Variants in TPRG1 observed in about 807,000 individuals in gnomAD.
TPRG1 encodes tumor protein p63-regulated gene 1 protein.
In TPRG1, 29 loss-of-function variants were observed where a neutral mutation model predicts 29.3. That is an observed-to-expected ratio of 0.99 (90% CI 0.74 to 1.35). The LOEUF (loss-of-function observed/expected upper bound fraction) is 1.35, where lower values mean the gene tolerates loss of function less well. TPRG1 is among the 40% of genes most tolerant of loss of function. The probability of loss-of-function intolerance (pLI) is 0.00; values close to 1 mark genes in which losing one functional copy is unlikely to be tolerated. For missense variants in TPRG1, 327 were observed against 335.0 expected, an observed-to-expected ratio of 0.98 and a Z score of 0.19; for synonymous variants, 130 against 116.8, an observed-to-expected ratio of 1.11 and a Z score of -0.73.
At chr3:189,277,961 C>G (rs1399576011) in intron 4 of TPRG1, among the ~76,000 whole-genome samples, 1 of 152,184 alleles carries the variant, frequency 6.6e-6, no homozygotes, top group Non-Finnish European at 1.5e-5. Flanking sequence ...TCTTTTGCCT[C>G]TGAAGCCACG....
intron 4 of TPRG1, among the ~76,000 whole-genome samples, chr3:189,287,690 C>T (rs1466076364): frequency 1.3e-5 from 2 of 152,196 alleles, no homozygotes; most frequent in Admixed American, 1.3e-4. Flanking sequence ...AGCCACCATG[C>T]CCAGCCTACT....
chr3:189,166,356 A>G (rs775919709), intron 5 of TPRG1, among the ~76,000 whole-genome samples: 10 of 152,226 alleles, frequency 6.6e-5, no homozygotes, highest in Non-Finnish European at 1.2e-4. Context: ...TTAAAAATCA[A>G]TCCTTAAGTG....
At chr3:189,299,810 A>G (rs1309348054) in intron 4 of TPRG1, among the ~76,000 whole-genome samples, 2 of 152,208 alleles carry the variant, frequency 1.3e-5, no homozygotes, top group African/African-American at 4.8e-5. Context: ...CATATTGATG[A>G]AGTTATCACA....
At chr3:189,046,066 G>C (rs1714957307) in intron 4 of TPRG1, among the ~76,000 whole-genome samples, 1 of 152,218 alleles carries the variant, frequency 6.6e-6, no homozygotes, top group East Asian at 1.9e-4. Context: ...TCCTGGAAAT[G>C]AGTCTGCAAA....
chr3:189,185,367 G>A (rs1012351013), intron 1 of TPRG1, among the ~76,000 whole-genome samples: 8 of 151,904 alleles, frequency 5.3e-5, no homozygotes, highest in African/African-American at 7.3e-5. Flanking sequence ...GGGACCATGG[G>A]AATATGCCAC....
At chr3:189,170,434 C>G (rs552278446), upstream of TPRG1, among the ~76,000 whole-genome samples, 1 of 152,134 alleles carries the variant, frequency 6.6e-6, no homozygotes, top group African/African-American at 2.4e-5. Context: ...CTTAACAGCC[C>G]GGATCTAATG....
At chr3:189,126,842 T>C (rs1722553397) in intron 1 of TPRG1, among the ~76,000 whole-genome samples, 1 of 152,204 alleles carries the variant, frequency 6.6e-6, no homozygotes, top group African/African-American at 2.4e-5. Flanking sequence ...CCAAACCCTG[T>C]AGGGAAAGAA....
chr3:189,114,613 C>G (rs755315452), intron 1 of TPRG1, among the ~76,000 whole-genome samples: 1 of 152,096 alleles, frequency 6.6e-6, no homozygotes, highest in Admixed American at 6.5e-5. Context: ...GTCCACTCCT[C>G]TCATGCCCCC....
intron 3 of TPRG1, among the ~76,000 whole-genome samples, chr3:189,234,779 T>A (rs1739196062): frequency 6.6e-6 from 1 of 152,182 alleles, no homozygotes; most frequent in Non-Finnish European, 1.5e-5. Context: ...AGACAGACAT[T>A]AATTATGTAA....
At chr3:189,084,795 G>A (rs1717827549) in intron 4 of TPRG1, among the ~76,000 whole-genome samples, 1 of 152,132 alleles carries the variant, frequency 6.6e-6, no homozygotes, top group Non-Finnish European at 1.5e-5. Context: ...TCATGCGTAA[G>A]AGGAAACTTC....
chr3:189,122,579 A>G (rs1721955219), intron 1 of TPRG1, among the ~76,000 whole-genome samples: 1 of 152,238 alleles, frequency 6.6e-6, no homozygotes, highest in Non-Finnish European at 1.5e-5. Flanking sequence ...AAAAGATCTT[A>G]GTTAGTTTGA....
chr3:189,043,210 A>T (rs956985465), intron 4 of TPRG1, among the ~76,000 whole-genome samples: 1 of 152,244 alleles, frequency 6.6e-6, no homozygotes, highest in Non-Finnish European at 1.5e-5. Context: ...TGGCTTGAAC[A>T]TAGGGCCTCA....
At chr3:189,273,824 C>T (rs996163152) in intron 4 of TPRG1, among the ~76,000 whole-genome samples, 1 of 152,156 alleles carries the variant, frequency 6.6e-6, no homozygotes, top group East Asian at 1.9e-4. Context: ...TTAGCTTGTG[C>T]CTGAAATGTT....
Position 188,998,691 on chromosome 3 carries a change from G to C in TPRG1, c.-1015-2083G>C, listed in dbSNP as rs893790705. ...TTGCAGCAACATGGATGGAACTGGA[G>C]TTCATTTTGTTAAGTGATAAGCCAG... On this transcript the variant is annotated intron_variant, in intron 1 of 10. Coordinates refer to the TPRG1 transcript ENST00000433971. 5.3e-5 allele frequency among the ~76,000 whole-genome samples: 8 copies of C among 152,300 alleles called. No individual in the cohort carries two copies. In the South Asian group the frequency reaches 1.2e-3, roughly 24 times the overall value.
intron 3 of TPRG1, among the ~76,000 whole-genome samples, chr3:189,141,467 A>G (rs548731988): frequency 1.1e-4 from 16 of 152,200 alleles, no homozygotes; most frequent in Non-Finnish European, 2.2e-4. Flanking sequence ...TGCCACCAAG[A>G]AGCCGGAAGA....
At chr3:189,192,596 T>C (rs1040610930) in intron 1 of TPRG1, among the ~76,000 whole-genome samples, 1 of 152,216 alleles carries the variant, frequency 6.6e-6, no homozygotes, top group African/African-American at 2.4e-5. Flanking sequence ...AAATAATTTA[T>C]GGTTATTGAT....
Position 189,103,047 on chromosome 3 carries a change from G to A in TPRG1, c.-744+2843G>A, listed in dbSNP as rs574455411. On this transcript the variant is annotated intron_variant, in intron 1 of 6. Transcript: ENST00000412373. ...TTGGTGCTTCGTCTGTAATTCCAGA[G>A]CACCTGGTACCTATTTCTGCCAATC... Among the ~76,000 whole-genome samples the A allele has an allele frequency of 4.6e-5, 7 of 152,246 alleles. No individual in the cohort carries two copies. In the South Asian group the frequency reaches 1.5e-3, roughly 32 times the overall value.
At chr3:189,008,078 C>T (rs1468049691) in intron 3 of TPRG1, among the ~76,000 whole-genome samples, 4 of 43,566 alleles carry the variant, frequency 9.2e-5, no homozygotes, top group Non-Finnish European at 1.1e-4. Context: ...AAAAAAAAAA[C>T]GTTCTAGAAA....
At chr3:189,266,854 T>G (rs893069688) in intron 4 of TPRG1, among the ~76,000 whole-genome samples, 2 of 152,070 alleles carry the variant, frequency 1.3e-5, no homozygotes, top group African/African-American at 4.8e-5. Flanking sequence ...CTATTTCATA[T>G]AGTTACCGTC....
Sources: allele counts gnomAD v4.1 joint callset (sites outside exome capture counted in the v4.1 genomes callset), GRCh38; gene constraint gnomAD v4.1.1; transcripts MANE v1.5; gene names NCBI Gene and HGNC (gene_info 2026-07-23, HGNC 2026-07-21).